ZNF107: variants seen among roughly 807,000 people sequenced by gnomAD.
ZNF107 encodes C2H2 type zinc-finger protein.
Under a neutral mutation model 12.3 loss-of-function variants are expected in ZNF107, and 19 were observed. That is an observed-to-expected ratio of 1.55 (90% CI 1.08 to 2.27). The LOEUF (loss-of-function observed/expected upper bound fraction) is 2.27, where lower values mean the gene tolerates loss of function less well. Among genes scored for constraint, ZNF107 ranks in the 30% most tolerant of loss-of-function variants. ZNF107 has a pLI of 0.00. For missense variants in ZNF107, 958 were observed against 979.9 expected (o/e 0.98, Z 0.30); for synonymous variants, 317 against 330.5 (o/e 0.96, Z 0.44).
Position 64,666,249 on chromosome 7 carries a change from A to C in ZNF107, c.-34A>C. 9 of 1,607,550 alleles carry C rather than the reference A, an allele frequency of 5.6e-6. No homozygotes were observed. The highest frequency in any genetic ancestry group is 7.7e-6 in the Non-Finnish European group (9 of 1,176,322). The stretch of plus-strand genomic sequence containing the variant: ...GACCTGCAGATATTGGGAGATCCAC[A>C]GCTAAGACGCCGGGACTCCCTGGAA... On this transcript the variant is annotated 5_prime_UTR_variant, in exon 1 of 4. Coordinates refer to ENST00000620827, the MANE Select transcript of ZNF107 (RefSeq NM_001282359.2).
At chr7:64,692,089 GT>G (rs952547532) in intron 3 of ZNF107, 129 bp downstream of exon 3, 34 of 569,852 alleles carry the variant, frequency 6.0e-5, no homozygotes, top group East Asian at 1.2e-4. Context: ...GAAAGCCTGA[GT>G]TTTTTTTTCT....
intron 1 of ZNF107, among the ~76,000 whole-genome samples, chr7:64,680,016 C>T (rs535958009): frequency 1.2e-4 from 18 of 152,158 alleles, no homozygotes; most frequent in Admixed American, 4.6e-4. Context: ...CCTCCCTGCC[C>T]GTCCGACTCC....
chr7:64,704,885 G>T (rs997310559), intron 3 of ZNF107, among the ~76,000 whole-genome samples: 1 of 152,116 alleles, frequency 6.6e-6, no homozygotes, highest in Non-Finnish European at 1.5e-5. Flanking sequence ...TCACCATGTT[G>T]ATCAGGCTGG....
intron 3 of ZNF107, among the ~76,000 whole-genome samples, chr7:64,693,165 A>ATTTTTTTTTTTTTTT (rs34734604): frequency 2.7e-5 from 3 of 110,104 alleles, no homozygotes; most frequent in Non-Finnish European, 3.6e-5. Flanking sequence ...CACTCAGCTA[A>ATTTTTTTTTTTTTTT]TTTTTTTTTT....
chr7:64,677,779 A>G (rs6949440), intron 1 of ZNF107, among the ~76,000 whole-genome samples: 51,604 of 148,398 alleles, frequency 0.35, 9,411 homozygotes, highest in Non-Finnish European at 0.4. Context: ...GTGAACCCGC[A>G]AGGCGGGGCT....
intron 3 of ZNF107, among the ~76,000 whole-genome samples, chr7:64,692,359 CA>C (rs1790145703): frequency 6.6e-6 from 1 of 151,964 alleles, no homozygotes; most frequent in Non-Finnish European, 1.5e-5. Flanking sequence ...GTTTCTGTTC[CA>C]TTGGGTTTTC....
chr7:64,701,028 A>G (rs955390120), intron 3 of ZNF107, among the ~76,000 whole-genome samples: 7 of 152,208 alleles, frequency 4.6e-5, no homozygotes, highest in African/African-American at 1.7e-4. Flanking sequence ...TATTTTCTTT[A>G]TATATTTTGA....
chr7:64,708,000 A>G lies in ZNF107; in HGVS notation c.1903A>G (p.Asn635Asp). Reference protein sequence around the residue: ...EHGKVFNQSSNLTTQKIIHTG... With the variant: ...EHGKVFNQSSDLTTQKIIHTG... The stretch of plus-strand genomic sequence containing the variant: ...TGGCAAAGTTTTTAACCAGTCCTCA[A>G]ACCTTACTACACAAAAGATAATTCA... Residue 635 changes from asparagine to aspartate, a missense_variant, in exon 4 of 4, where the codon AAC (asparagine) becomes GAC (aspartate). Physicochemically the swap from Asn to Asp is conservative, Grantham distance 23. Coordinates refer to ENST00000620827, the MANE Select transcript of ZNF107 (RefSeq NM_001282359.2). The G allele has an allele frequency of 6.2e-7, 1 of 1,613,306 alleles. No homozygotes were observed. Among genetic ancestry groups the G allele is most frequent in the Non-Finnish European group, 8.5e-7 (1 of 1,179,666 alleles).
At chr7:64,669,689 G>A (rs1789148738) in intron 1 of ZNF107, among the ~76,000 whole-genome samples, 1 of 152,150 alleles carries the variant, frequency 6.6e-6, no homozygotes. Context: ...TCGGTAGGCT[G>A]AGGCAGGAGA....
chr7:64,687,512 G>A, intron 1 of ZNF107: 1 of 985,426 alleles, frequency 1.0e-6, no homozygotes, highest in Non-Finnish European at 1.2e-6. Context: ...CAGATGGTAG[G>A]AGTCAAGAGA....
intron 3 of ZNF107, among the ~76,000 whole-genome samples, chr7:64,697,816 C>A (rs914292765): frequency 6.6e-6 from 1 of 151,808 alleles, no homozygotes; most frequent in African/African-American, 2.4e-5. Context: ...TCAGCCTCTC[C>A]GAGTAGCTGG....
intron 1 of ZNF107, among the ~76,000 whole-genome samples, chr7:64,684,224 C>G (rs1032687563): frequency 1.3e-5 from 2 of 152,168 alleles, no homozygotes; most frequent in African/African-American, 2.4e-5. Context: ...CATTCGAACT[C>G]TTATATGGTA....
intron 1 of ZNF107, chr7:64,687,506 TG>T: frequency 8.1e-6 from 8 of 985,382 alleles, no homozygotes; most frequent in Non-Finnish European, 9.6e-6. Context: ...CAGTGGCAGA[TG>T]GTAGGAGTCA....
intron 1 of ZNF107, chr7:64,669,146 G>C (rs1427783493): frequency 3.3e-5 from 5 of 151,480 alleles, no homozygotes; most frequent in Non-Finnish European, 5.9e-5. Context: ...CTCGCAAGTA[G>C]CTGGGATTAC....
At position 64,669,563 on chromosome 7, in the gene ZNF107, G is replaced by A. The variant is rs532485077; in HGVS notation, c.3+3278G>A. ...AATCCCAGCACTTTGGGAGGCTGAG[G>A]CAGGCGGATCACCTGAGGTCAAGAG... On this transcript the variant is annotated intron_variant, in intron 1 of 3. Coordinates refer to ENST00000620827, the MANE Select transcript of ZNF107 (RefSeq NM_001282359.2). 4.6e-5 allele frequency among the ~76,000 whole-genome samples: 7 copies of A among 152,212 alleles called. No individual in the cohort carries two copies. In the South Asian group the frequency reaches 1.2e-3, roughly 27 times the overall value.
Position 64,695,971 on chromosome 7 carries a change from A to G in ZNF107, c.226+4011A>G, listed in dbSNP as rs556516922. On this transcript the variant is annotated intron_variant, in intron 3 of 3. Coordinates refer to ENST00000620827, the MANE Select transcript of ZNF107 (RefSeq NM_001282359.2). Reference sequence around the variant, plus strand: ...CCAGGCATGGTGGTGGCTCACATCTATAATCCCAGGATTTTGGAAAGCCAA... The same window carrying G: ...CCAGGCATGGTGGTGGCTCACATCTGTAATCCCAGGATTTTGGAAAGCCAA... Among the ~76,000 whole-genome samples, 44 of 151,738 alleles carry G rather than the reference A, an allele frequency of 2.9e-4. No homozygotes were observed. The South Asian group carries it at 7.3e-3, about 25-fold the overall frequency.
At chr7:64,697,154 T>A (rs1790319732) in intron 3 of ZNF107, among the ~76,000 whole-genome samples, 1 of 152,228 alleles carries the variant, frequency 6.6e-6, no homozygotes, top group Non-Finnish European at 1.5e-5. Context: ...AACTCATCCT[T>A]TTTTATGGCT....
chr7:64,670,453 A>C (rs1336334478), intron 1 of ZNF107, among the ~76,000 whole-genome samples: 1 of 152,234 alleles, frequency 6.6e-6, no homozygotes, highest in Non-Finnish European at 1.5e-5. Flanking sequence ...GGTACCTCAA[A>C]GTTCAGGAGC....
chr7:64,693,552 T>G (rs1175792143), intron 3 of ZNF107, among the ~76,000 whole-genome samples: 144 of 152,252 alleles, frequency 9.5e-4, no homozygotes, highest in African/African-American at 3.3e-3. Flanking sequence ...GTCACAAGGA[T>G]GTTGGGTCTG....
Sources: allele counts gnomAD v4.1 joint callset (sites outside exome capture counted in the v4.1 genomes callset), GRCh38; gene constraint gnomAD v4.1.1; transcripts MANE v1.5; gene names NCBI Gene and HGNC (gene_info 2026-07-23, HGNC 2026-07-21).